Variants in CHRM3 observed in about 807,000 individuals in gnomAD.
CHRM3 encodes muscarinic acetylcholine receptor M3.
Under a neutral mutation model 41.8 loss-of-function variants are expected in CHRM3, and 11 were observed. The observed-to-expected ratio is 0.26, with a 90% CI of 0.17 to 0.44. The LOEUF is 0.44. Ranked by LOEUF, CHRM3 falls within the 20% of genes least tolerant of loss-of-function variation. CHRM3 has a pLI of 1.00. For synonymous variants in CHRM3, 297 were observed against 301.4 expected (o/e 0.99, Z 0.15); for missense variants, 571 against 745.4 (o/e 0.77, Z 2.72).
chr1:239,751,168 G>A (rs544791944), intron 5 of CHRM3, among the ~76,000 whole-genome samples: 2 of 151,408 alleles, frequency 1.3e-5, no homozygotes, highest in Admixed American at 6.6e-5. Flanking sequence ...AACCCGGGAG[G>A]CAGAGGTTGC....
intron 1 of CHRM3, among the ~76,000 whole-genome samples, chr1:239,413,899 G>A (rs558174839): frequency 5.3e-5 from 8 of 152,210 alleles, no homozygotes; most frequent in South Asian, 2.1e-4. Flanking sequence ...GTAAATGTTC[G>A]CTTTGGTTTT....
chr1:239,843,570 A>T (rs10925987), intron 6 of CHRM3, among the ~76,000 whole-genome samples: 55 of 151,788 alleles, frequency 3.6e-4, no homozygotes, highest in African/African-American at 1.3e-3. Context: ...GAAATCTAGC[A>T]AAATATTTAG....
intron 5 of CHRM3, among the ~76,000 whole-genome samples, chr1:239,817,732 A>G (rs534946414): frequency 3.5e-4 from 53 of 152,186 alleles, no homozygotes; most frequent in African/African-American, 1.2e-3. Context: ...CTCTAAGCTC[A>G]GACTTTTAGA....
chr1:239,701,069 C>T (rs1660641768), intron 5 of CHRM3, among the ~76,000 whole-genome samples: 1 of 152,190 alleles, frequency 6.6e-6, no homozygotes, highest in Admixed American at 6.5e-5. Flanking sequence ...CTTCAGTTGT[C>T]TTCTTAATAA....
intron 5 of CHRM3, among the ~76,000 whole-genome samples, chr1:239,776,497 C>A (rs1207158645): frequency 6.6e-6 from 1 of 151,952 alleles, no homozygotes; most frequent in Non-Finnish European, 1.5e-5. Context: ...AGATGCCACA[C>A]CCCATATTTT....
At chr1:239,443,282 T>C (rs1490874623) in intron 1 of CHRM3, among the ~76,000 whole-genome samples, 1 of 152,228 alleles carries the variant, frequency 6.6e-6, no homozygotes, top group Non-Finnish European at 1.5e-5. Flanking sequence ...CTGATGATTG[T>C]ATAATTTGTC....
At chr1:239,580,716 C>T (rs1226662717) in intron 3 of CHRM3, among the ~76,000 whole-genome samples, 28 of 47,102 alleles carry the variant, frequency 5.9e-4, no homozygotes, top group South Asian at 3.4e-3. Flanking sequence ...CACACACACA[C>T]ACACACACAC....
rs1316842555 is a variant in CHRM3, at chr1:239,914,731, A to T, written c.*5507A>T. 6.0e-6 allele frequency: 1 copy of T among 167,066 alleles called. No individual in the cohort carries two copies. Among genetic ancestry groups the T allele is most frequent in the East Asian group, 1.9e-4 (1 of 5,198 alleles). The allele number at this position is 167,066 out of a possible 1,614,324, so 10.3% of individuals were successfully genotyped here. Reference sequence around the variant, plus strand: ...TCTGGAGGGCCTGGAGAGTTCATAAACATAGTTTTCTGTGCAAGTGAAGAT... The same window carrying T: ...TCTGGAGGGCCTGGAGAGTTCATAATCATAGTTTTCTGTGCAAGTGAAGAT... On this transcript the variant is annotated 3_prime_UTR_variant, in exon 7 of 7. Transcript: ENST00000676153.
chr1:239,410,890 A>C (rs989270403), intron 1 of CHRM3, among the ~76,000 whole-genome samples: 2 of 152,238 alleles, frequency 1.3e-5, no homozygotes, highest in Non-Finnish European at 2.9e-5. Context: ...GATTTCATTT[A>C]TCTTCCAGCT....
chr1:239,838,472 C>T (rs1673512465), intron 6 of CHRM3, among the ~76,000 whole-genome samples: 1 of 152,156 alleles, frequency 6.6e-6, no homozygotes, highest in Admixed American at 6.5e-5. Flanking sequence ...ACATGGCAAA[C>T]ACATTCCTTC....
intron 3 of CHRM3, among the ~76,000 whole-genome samples, chr1:239,557,629 C>T (rs1660485829): frequency 6.6e-6 from 1 of 152,044 alleles, no homozygotes; most frequent in Non-Finnish European, 1.5e-5. Flanking sequence ...TATTGTTCTC[C>T]CCCACCGCTC....
intron 6 of CHRM3, among the ~76,000 whole-genome samples, chr1:239,862,442 C>T (rs1195934249): frequency 6.6e-6 from 1 of 152,034 alleles, no homozygotes; most frequent in African/African-American, 2.4e-5. Flanking sequence ...AAAACTACAC[C>T]TTAGAAGTCA....
intron 5 of CHRM3, among the ~76,000 whole-genome samples, chr1:239,717,172 A>G (rs1421354046): frequency 6.6e-6 from 1 of 152,100 alleles, no homozygotes; most frequent in Non-Finnish European, 1.5e-5. Flanking sequence ...TTCAACTGCA[A>G]AAGATTGAGA....
intron 4 of CHRM3, among the ~76,000 whole-genome samples, chr1:239,664,313 C>G (rs919107836): frequency 1.3e-5 from 2 of 152,126 alleles, no homozygotes; most frequent in Admixed American, 6.5e-5. Flanking sequence ...AATTTATCAC[C>G]AATTCAATGA....
chr1:239,843,707 A>G (rs1373901636), intron 6 of CHRM3, among the ~76,000 whole-genome samples: 1 of 152,120 alleles, frequency 6.6e-6, no homozygotes, highest in Non-Finnish European at 1.5e-5. Context: ...TAGAAGTAGC[A>G]TGTTCTTCCC....
chr1:239,682,070 C>A (rs1467579701), intron 5 of CHRM3, among the ~76,000 whole-genome samples: 1 of 152,142 alleles, frequency 6.6e-6, no homozygotes, highest in East Asian at 1.9e-4. Context: ...TTTTAAGCTT[C>A]CTCTTAAATA....
chr1:239,801,539 G>A (rs1346592249), intron 5 of CHRM3, among the ~76,000 whole-genome samples: 1 of 152,180 alleles, frequency 6.6e-6, no homozygotes, highest in Non-Finnish European at 1.5e-5. Context: ...ATAACAATAA[G>A]CAGATTAGCT....
At chr1:239,653,929 A>G (rs1573144816) in intron 4 of CHRM3, among the ~76,000 whole-genome samples, 1 of 152,358 alleles carries the variant, frequency 6.6e-6, no homozygotes, top group East Asian at 1.9e-4. Flanking sequence ...AGCTTGAAGC[A>G]CATGAAGAAA....
chr1:239,608,154 T>A (rs7529084), intron 3 of CHRM3, among the ~76,000 whole-genome samples: 1 of 152,060 alleles, frequency 6.6e-6, no homozygotes, highest in Non-Finnish European at 1.5e-5. Context: ...CAATGTTAAA[T>A]ATAATTTTTG....
Sources: allele counts gnomAD v4.1 joint callset (sites outside exome capture counted in the v4.1 genomes callset), GRCh38; gene constraint gnomAD v4.1.1; transcripts MANE v1.5; gene names NCBI Gene and HGNC (gene_info 2026-07-23, HGNC 2026-07-21).